The following WLS variants were observed in gnomAD, a reference collection of about 807,000 sequenced individuals.
The protein encoded by WLS is Wnt ligand secretion mediator.
WLS carries 23 observed loss-of-function variants against 62.8 expected under a neutral mutation model. The observed-to-expected ratio is 0.37, with a 90% CI of 0.26 to 0.52. The LOEUF (loss-of-function observed/expected upper bound fraction) is 0.52, where lower values mean the gene tolerates loss of function less well. Among genes scored for constraint, WLS ranks in the 20% least tolerant of loss-of-function variants. The pLI is 0.92. For synonymous variants in WLS, 246 were observed against 244.1 expected, an observed-to-expected ratio of 1.01 and a Z score of -0.07; for missense variants, 615 against 697.3, an observed-to-expected ratio of 0.88 and a Z score of 1.33.
chr1:68,111,866 A>G (rs142843721), intron 11 of WLS, among the ~76,000 whole-genome samples: 3,087 of 152,292 alleles, frequency 0.02, 44 homozygotes, highest in Middle Eastern at 0.061. Flanking sequence ...GTTGAATTCA[A>G]TTGAAGTGTA....
chr1:68,120,397 G>A (rs954227098), downstream of WLS, among the ~76,000 whole-genome samples: 1 of 152,198 alleles, frequency 6.6e-6, no homozygotes. Context: ...TGTTTTTAAG[G>A]CTGGACTAAC....
intron 9 of WLS, 61 bp downstream of exon 9, chr1:68,145,808 C>T: frequency 6.2e-7 from 1 of 1,601,492 alleles, no homozygotes; most frequent in Non-Finnish European, 8.5e-7. Flanking sequence ...TGTGTGTTTA[C>T]ACATCAAGTG....
intron 1 of WLS, among the ~76,000 whole-genome samples, chr1:68,230,741 C>T (rs1171234056): frequency 6.6e-6 from 1 of 152,176 alleles, no homozygotes; most frequent in Non-Finnish European, 1.5e-5. Context: ...AGAGCACTGT[C>T]TCCTTTAGGT....
At chr1:68,100,050 G>T (rs1475674036) in intron 11 of WLS, among the ~76,000 whole-genome samples, 2 of 152,206 alleles carry the variant, frequency 1.3e-5, no homozygotes, top group African/African-American at 2.4e-5. Context: ...AGTTCTCAGA[G>T]AAAACAGTTT....
At chr1:68,200,193 T>C (rs1206711274) in intron 1 of WLS, among the ~76,000 whole-genome samples, 1 of 152,112 alleles carries the variant, frequency 6.6e-6, no homozygotes, top group African/African-American at 2.4e-5. Flanking sequence ...CTAACAAAAA[T>C]GATAGGAACA....
At chr1:68,109,766 A>G (rs527611880) in intron 11 of WLS, among the ~76,000 whole-genome samples, 1 of 152,258 alleles carries the variant, frequency 6.6e-6, no homozygotes, top group African/African-American at 2.4e-5. Context: ...GAACACATAC[A>G]GCTCATTTTA....
chr1:68,107,701 C>T (rs1260859935), intron 11 of WLS, among the ~76,000 whole-genome samples: 1 of 152,192 alleles, frequency 6.6e-6, no homozygotes, highest in Non-Finnish European at 1.5e-5. Flanking sequence ...GTTTTACGTG[C>T]TTTATTGCAT....
intron 1 of WLS, among the ~76,000 whole-genome samples, chr1:68,194,869 A>G (rs1376656798): frequency 6.6e-6 from 1 of 152,248 alleles, no homozygotes; most frequent in Non-Finnish European, 1.5e-5. Flanking sequence ...TAAACGATGC[A>G]CTTCAAGACA....
At chr1:68,104,233 A>G (rs1646115556) in intron 11 of WLS, among the ~76,000 whole-genome samples, 1 of 151,964 alleles carries the variant, frequency 6.6e-6, no homozygotes, top group Admixed American at 6.5e-5. Context: ...CCTGTTTCCC[A>G]GGAGAAAAGT....
At chr1:68,109,541 A>G (rs531381745) in intron 11 of WLS, among the ~76,000 whole-genome samples, 1 of 152,370 alleles carries the variant, frequency 6.6e-6, no homozygotes, top group African/African-American at 2.4e-5. Context: ...ATAGGCATGC[A>G]ATGCTAGACT....
chr1:68,202,493 A>T (rs1241668097), intron 1 of WLS: 1 of 152,200 alleles, frequency 6.6e-6, no homozygotes, highest in Non-Finnish European at 1.5e-5. Context: ...TCCCTGAAAA[A>T]TGCCTGCAAT....
intron 2 of WLS, 119 bp from the exon 3 acceptor site, chr1:68,159,366 T>C: frequency 7.6e-7 from 1 of 1,312,042 alleles, no homozygotes; most frequent in Non-Finnish European, 1.0e-6. Flanking sequence ...GAAATATTAA[T>C]TTCTATCAAA....
intron 2 of WLS, among the ~76,000 whole-genome samples, chr1:68,178,720 G>T (rs200222152): frequency 1.5e-5 from 2 of 135,004 alleles, no homozygotes; most frequent in Admixed American, 7.1e-5. Context: ...AAAAAAAAAA[G>T]AAAAGAAAAG....
intron 1 of WLS, among the ~76,000 whole-genome samples, chr1:68,228,624 C>T (rs2820472): frequency 0.32 from 49,185 of 151,344 alleles, 9,123 homozygotes; most frequent in East Asian, 0.82. Context: ...CAGGTACTAC[C>T]GCATTTTTAA....
At chr1:68,111,253 T>G (rs568389104) in intron 11 of WLS, among the ~76,000 whole-genome samples, 1 of 152,330 alleles carries the variant, frequency 6.6e-6, no homozygotes, top group African/African-American at 2.4e-5. Flanking sequence ...ACTACATCAC[T>G]TGGTTCTAGC....
At chr1:68,133,405 T>C (rs1489143795) in intron 11 of WLS, among the ~76,000 whole-genome samples, 4 of 152,132 alleles carry the variant, frequency 2.6e-5, no homozygotes, top group African/African-American at 9.7e-5. Flanking sequence ...CCTGCCACCT[T>C]TCAAGAGGTA....
At chr1:68,157,111 G>A (rs1305788175) in intron 3 of WLS, among the ~76,000 whole-genome samples, 1 of 152,200 alleles carries the variant, frequency 6.6e-6, no homozygotes, top group African/African-American at 2.4e-5. Context: ...CTGTGATAAA[G>A]ACTCCTGAAC....
At chr1:68,171,863 C>T (rs1484558012) in intron 2 of WLS, among the ~76,000 whole-genome samples, 5 of 152,132 alleles carry the variant, frequency 3.3e-5, no homozygotes, top group South Asian at 2.1e-4. Context: ...CACATGCACA[C>T]GTATGTTTAT....
chr1:68,146,109 G>C, intron 8 of WLS, 97 bp from the exon 9 acceptor site: 1 of 1,398,050 alleles, frequency 7.2e-7, no homozygotes, highest in Non-Finnish European at 9.7e-7. Flanking sequence ...TACTTGTTTT[G>C]TCTCCAAATA....
Sources: allele counts gnomAD v4.1 joint callset (sites outside exome capture counted in the v4.1 genomes callset), GRCh38; gene constraint gnomAD v4.1.1; transcripts MANE v1.5; gene names NCBI Gene and HGNC (gene_info 2026-07-23, HGNC 2026-07-21).